The following CHODL variants were observed in gnomAD, a reference collection of about 807,000 sequenced individuals.
CHODL encodes the protein chondrolectin.
A neutral mutation model predicts 34.5 loss-of-function variants in CHODL; 29 were observed. That is an observed-to-expected ratio of 0.84 (90% CI 0.63 to 1.15). The LOEUF (loss-of-function observed/expected upper bound fraction) is 1.15, where lower values mean the gene tolerates loss of function less well. CHODL is among the 50% of genes most tolerant of loss of function. The pLI, the probability that CHODL is intolerant of heterozygous loss-of-function variation, is 0.00. For missense variants in CHODL, 332 were observed against 332.5 expected (o/e 1.00, Z 0.01); for synonymous variants, 125 against 116.1 (o/e 1.08, Z -0.49).
intron 2 of CHODL, among the ~76,000 whole-genome samples, chr21:18,211,657 T>C (rs1282855155): frequency 2.0e-5 from 3 of 152,138 alleles, no homozygotes; most frequent in South Asian, 2.1e-4. Flanking sequence ...TTACTTTTTT[T>C]CCCCCACTTC....
intron 1 of CHODL, among the ~76,000 whole-genome samples, chr21:17,945,106 G>C (rs9983826): frequency 0.03 from 4,536 of 151,456 alleles, 238 homozygotes; most frequent in African/African-American, 0.1. Flanking sequence ...CAGCTACTCG[G>C]GAGGCTGAGG....
intron 2 of CHODL, among the ~76,000 whole-genome samples, chr21:18,157,473 C>G (rs745671694): frequency 7.2e-5 from 11 of 152,166 alleles, no homozygotes; most frequent in African/African-American, 1.7e-4. Flanking sequence ...TTAGTTCACT[C>G]GTAACATTAT....
At chr21:17,946,320 G>A (rs2063408826) in intron 1 of CHODL, among the ~76,000 whole-genome samples, 1 of 152,178 alleles carries the variant, frequency 6.6e-6, no homozygotes, top group African/African-American at 2.4e-5. Flanking sequence ...TCGGGAGGCT[G>A]AGGCAGGAGA....
At chr21:18,202,848 T>C (rs560141759) in intron 2 of CHODL, among the ~76,000 whole-genome samples, 1 of 152,214 alleles carries the variant, frequency 6.6e-6, no homozygotes, top group East Asian at 1.9e-4. Context: ...AAAAGTGTAA[T>C]ATTCTGCACA....
At position 18,251,500 on chromosome 21, in the gene CHODL, A is replaced by G. The variant is rs192281556; in HGVS notation, c.80-5009A>G. ...ATTTATTTTAATATATAAAATAAAT[A>G]TTTATTTTAATATATAAAATATTTA... On this transcript the variant is annotated intron_variant, in intron 1 of 5. Transcript: ENST00000299295. 1.7e-3 allele frequency among the ~76,000 whole-genome samples: 193 copies of G among 114,634 alleles called. 1 individual carries two copies. Among genetic ancestry groups the G allele is most frequent in the Middle Eastern group, 6.0e-3 (1 of 168 alleles). The allele number at this position is 114,634 out of a possible 152,430, so 75.2% of individuals were successfully genotyped here.
intron 2 of CHODL, among the ~76,000 whole-genome samples, chr21:18,037,765 A>G (rs2064328274): frequency 6.6e-6 from 1 of 151,812 alleles, no homozygotes; most frequent in Non-Finnish European, 1.5e-5. Context: ...GTTTTAGGGT[A>G]TCTGACATAA....
chr21:17,986,371 G>C (rs2063753780), intron 1 of CHODL, among the ~76,000 whole-genome samples: 1 of 151,816 alleles, frequency 6.6e-6, no homozygotes, highest in Non-Finnish European at 1.5e-5. Flanking sequence ...GTGTCCATGT[G>C]TTCTCATTGT....
chr21:18,075,324 A>G (rs1490521648), intron 2 of CHODL, among the ~76,000 whole-genome samples: 1 of 152,202 alleles, frequency 6.6e-6, no homozygotes, highest in Non-Finnish European at 1.5e-5. Flanking sequence ...AGGCAAAAAT[A>G]TTCTAGTACT....
At chr21:18,207,742 T>C (rs1471565394) in intron 2 of CHODL, among the ~76,000 whole-genome samples, 1 of 150,514 alleles carries the variant, frequency 6.6e-6, no homozygotes, top group Non-Finnish European at 1.5e-5. Context: ...TATAGTATTA[T>C]AGGATAAAAT....
intron 1 of CHODL, among the ~76,000 whole-genome samples, chr21:17,939,246 C>T (rs2063344592): frequency 1.3e-5 from 2 of 152,086 alleles, no homozygotes; most frequent in Admixed American, 6.6e-5. Flanking sequence ...TTTCTCCTCC[C>T]CCCACCTCAG....
chr21:17,972,710 A>C (rs919528574), intron 1 of CHODL, among the ~76,000 whole-genome samples: 4 of 152,214 alleles, frequency 2.6e-5, no homozygotes, highest in Non-Finnish European at 5.9e-5. Flanking sequence ...GAAAATGTCC[A>C]TACTACCCAA....
intron 2 of CHODL, among the ~76,000 whole-genome samples, chr21:18,108,128 C>T (rs1244123740): frequency 6.7e-6 from 1 of 149,488 alleles, no homozygotes; most frequent in Admixed American, 6.7e-5. Context: ...CTTTACAAGG[C>T]AGTTGCTCAT....
intron 1 of CHODL, among the ~76,000 whole-genome samples, chr21:17,939,584 A>C (rs2063346893): frequency 6.6e-6 from 1 of 152,254 alleles, no homozygotes; most frequent in South Asian, 2.1e-4. Flanking sequence ...ATCCTTATTC[A>C]TAAAAGTCTG....
chr21:17,997,315 T>A (rs1286889092), intron 1 of CHODL, among the ~76,000 whole-genome samples: 1 of 152,216 alleles, frequency 6.6e-6, no homozygotes, highest in East Asian at 1.9e-4. Flanking sequence ...TCCTTCCTCC[T>A]CACTTTGGCT....
intron 1 of CHODL, among the ~76,000 whole-genome samples, chr21:17,986,354 C>T (rs1448832261): frequency 1.3e-5 from 2 of 151,976 alleles, no homozygotes; most frequent in Non-Finnish European, 2.9e-5. Flanking sequence ...GTGATGTTCC[C>T]CTCCCTGTGT....
chr21:18,244,049 C>A (rs928800993), upstream of CHODL, among the ~76,000 whole-genome samples: 1 of 152,176 alleles, frequency 6.6e-6, no homozygotes, highest in African/African-American at 2.4e-5. Flanking sequence ...AACTAGGTAT[C>A]ACAGTCCTTG....
chr21:18,172,904 C>T (rs2073249408), intron 2 of CHODL, among the ~76,000 whole-genome samples: 1 of 152,136 alleles, frequency 6.6e-6, no homozygotes, highest in African/African-American at 2.4e-5. Context: ...GGTAGGTTCT[C>T]ATCTGGAGCT....
rs3984977 is a variant in CHODL at position 18,086,041 on chromosome 21, C to CTTTTTTTTTTTTT, written c.-45+58084_-45+58096dup. On this transcript the variant is annotated intron_variant, in intron 2 of 6. Transcript: ENST00000400127. ...TTCCAGATGTCTTGAAGACTTTGTT[C>CTTTTTTTTTTTTT]TTTTTTTTTTTTTTTTTTTTTTTTT... Among the ~76,000 whole-genome samples, 6 of 38,734 alleles carry CTTTTTTTTTTTTT rather than the reference C, an allele frequency of 1.5e-4. 1 individual carries two copies. The highest frequency in any genetic ancestry group is 2.5e-4 in the Non-Finnish European group (5 of 20,220). 25.4% of individuals were successfully genotyped at this position (38,734 alleles called of 152,430 possible). A position where few individuals can be genotyped will look rare whatever the true frequency, so the allele number is the denominator to read the frequency against.
At chr21:18,207,631 G>A (rs2073726454) in intron 2 of CHODL, among the ~76,000 whole-genome samples, 1 of 137,142 alleles carries the variant, frequency 7.3e-6, no homozygotes, top group Non-Finnish European at 1.5e-5. Flanking sequence ...TGTAGGACAG[G>A]TCTGGTGGTG....
Sources: allele counts gnomAD v4.1 joint callset (sites outside exome capture counted in the v4.1 genomes callset), GRCh38; gene constraint gnomAD v4.1.1; transcripts MANE v1.5; gene names NCBI Gene and HGNC (gene_info 2026-07-23, HGNC 2026-07-21).